RASSF4: variants seen among roughly 807,000 people sequenced by gnomAD.
RASSF4 encodes Ras association domain family member 4.
In RASSF4, 38 loss-of-function variants were observed where a neutral mutation model predicts 41.1. That is an observed-to-expected ratio of 0.92 (90% CI 0.71 to 1.21). The LOEUF is 1.21. Ranked by LOEUF, RASSF4 falls within the 50% of genes most tolerant of loss-of-function variation. The pLI is 0.00. For missense variants in RASSF4, 414 were observed against 419.4 expected (o/e 0.99, Z 0.11); for synonymous variants, 179 against 163.4 (o/e 1.10, Z -0.73).
intron 3 of RASSF4, chr10:44,981,779 G>A (rs1178927368): frequency 6.6e-6 from 1 of 152,326 alleles, no homozygotes; most frequent in Non-Finnish European, 1.5e-5. Context: ...GGCCCAAGGG[G>A]TGCCAACCAG....
chr10:44,970,657 T>C (rs1841113978), intron 2 of RASSF4: 3 of 167,650 alleles, frequency 1.8e-5, no homozygotes, highest in Non-Finnish European at 2.6e-5. Flanking sequence ...ATTCTTGTGT[T>C]GCTATAAAGA....
At chr10:44,992,553 C>T (rs898513198) in intron 10 of RASSF4, among the ~76,000 whole-genome samples, 1 of 152,228 alleles carries the variant, frequency 6.6e-6, no homozygotes, top group Non-Finnish European at 1.5e-5. Flanking sequence ...GGTCCGGATG[C>T]ATGAGTTAGC....
chr10:44,977,366 C>A (rs367762606), intron 3 of RASSF4: 2 of 1,543,508 alleles, frequency 1.3e-6, no homozygotes, highest in Non-Finnish European at 1.8e-6. Flanking sequence ...AGCATGCTCT[C>A]TACAGAAGCC....
chr10:44,977,213 G>GA (rs1191583197), intron 3 of RASSF4: 4 of 749,294 alleles, frequency 5.3e-6, no homozygotes, highest in Non-Finnish European at 8.4e-6. Flanking sequence ...CTCCTCATGT[G>GA]AAACAGGCTG....
At chr10:44,983,873 G>C in intron 4 of RASSF4, 149 bp from the exon 5 acceptor site, 1 of 1,378,078 alleles carries the variant, frequency 7.3e-7, no homozygotes, top group Non-Finnish European at 9.8e-7. Context: ...GTTTCAGACT[G>C]ACTCTCTTGG....
chr10:44,993,278 C>T lies in RASSF4; in HGVS notation c.915C>T (p.Ala305=), dbSNP rs116664152. The change falls in exon 11 of 11, where the codon GCC becomes GCT. Residue 305 remains alanine, a synonymous_variant. Transcript: ENST00000340258. ...EIIKLTMKFQ[A]LRLTMLQRLE... is the part of the protein sequence containing the mutation. Reference sequence around the variant, plus strand: ...CGATGTCTCCCTCCAGGTTCCAAGCCCTGCGTCTGACGATGCTGCAGCGCC... The same window carrying T: ...CGATGTCTCCCTCCAGGTTCCAAGCTCTGCGTCTGACGATGCTGCAGCGCC... 317 of 1,609,652 alleles carry T rather than the reference C, an allele frequency of 2.0e-4. 1 individual carries two copies. The African/African-American group carries it at 3.9e-3, about 20-fold the overall frequency.
At chr10:44,991,687 T>G (rs1168633550) in intron 9 of RASSF4, among the ~76,000 whole-genome samples, 1 of 152,164 alleles carries the variant, frequency 6.6e-6, no homozygotes, top group Non-Finnish European at 1.5e-5. Flanking sequence ...GTTTAATATT[T>G]CCTCCCAGGG....
intron 6 of RASSF4, among the ~76,000 whole-genome samples, chr10:44,987,824 A>T (rs1009050268): frequency 6.6e-6 from 1 of 152,180 alleles, no homozygotes; most frequent in African/African-American, 2.4e-5. Flanking sequence ...CACCCTTAAG[A>T]AACTACAGTA....
At position 44,989,216 on chromosome 10, in the gene RASSF4, A is replaced by G. The variant is rs80199784; in HGVS notation, c.532-58A>G. The G allele has an allele frequency of 3.7e-3, 3,999 of 1,080,110 alleles. 92 individuals carry two copies. In the African/African-American group the frequency reaches 0.049, roughly 13 times the overall value. 66.9% of individuals were successfully genotyped at this position (1,080,110 alleles called of 1,614,324 possible). ...CTGCCTTGGTCTGTTCACCGTTGTG[A>G]TGTCAGTCCCTTGTCCCCTCTGGGC... On this transcript the variant is annotated intron_variant, in intron 6 of 10. Coordinates refer to ENST00000340258, the MANE Select transcript of RASSF4 (RefSeq NM_032023.4).
At chr10:44,992,348 T>C (rs1842147388) in intron 10 of RASSF4, among the ~76,000 whole-genome samples, 1 of 152,260 alleles carries the variant, frequency 6.6e-6, no homozygotes, top group African/African-American at 2.4e-5. Flanking sequence ...GCTGGTGATG[T>C]GGCTCCAAGG....
intron 8 of RASSF4, among the ~76,000 whole-genome samples, chr10:44,990,161 C>CGTCT (rs1564468284): frequency 6.6e-6 from 1 of 152,174 alleles, no homozygotes; most frequent in East Asian, 1.9e-4. Context: ...CTGGCCCTCC[C>CGTCT]GTCTCAGCTT....
At chr10:44,984,750 C>G (rs1438242144) in intron 5 of RASSF4, 63 bp from the exon 6 acceptor site, 23 of 1,578,466 alleles carry the variant, frequency 1.5e-5, no homozygotes, top group Non-Finnish European at 2.0e-5. Context: ...GATCTCCCGA[C>G]AGCAGGCAGT....
At chr10:44,963,002 C>T (rs1380081063) in intron 1 of RASSF4, among the ~76,000 whole-genome samples, 3 of 152,160 alleles carry the variant, frequency 2.0e-5, no homozygotes, top group African/African-American at 7.2e-5. Flanking sequence ...GGACTGGACT[C>T]AGAGAGACCT....
intron 4 of RASSF4, 109 bp downstream of exon 4, chr10:44,982,772 G>A (rs912008303): frequency 1.7e-5 from 21 of 1,247,802 alleles, no homozygotes; most frequent in Non-Finnish European, 2.1e-5. Flanking sequence ...ACTGGCACAG[G>A]AGGGTGACCC....
intron 9 of RASSF4, among the ~76,000 whole-genome samples, 174 bp from the exon 10 acceptor site, chr10:44,991,731 C>T (rs917607722): frequency 6.6e-5 from 10 of 152,172 alleles, no homozygotes; most frequent in Non-Finnish European, 8.8e-5. Context: ...AATAGGCTCC[C>T]GTCCTGGCAT....
chr10:44,985,414 CA>C (rs1841888116), intron 6 of RASSF4, among the ~76,000 whole-genome samples: 1 of 152,248 alleles, frequency 6.6e-6, no homozygotes, highest in South Asian at 2.1e-4. Flanking sequence ...GCCTTTTGTC[CA>C]AGGATGCATT....
At position 44,971,787 on chromosome 10, in the gene RASSF4, G is replaced by A. The variant is rs573648443; in HGVS notation, c.77G>A (p.Gly26Asp). 2 of 1,613,958 alleles carry A rather than the reference G, an allele frequency of 1.2e-6. No individual in the cohort carries two copies. Among genetic ancestry groups the A allele is most frequent in the African/African-American group, 2.7e-5 (2 of 75,042 alleles). Residue 26 changes from glycine (G) to aspartate (D), a missense_variant, in exon 3 of 11, where the codon GGC (glycine) becomes GAC (aspartate). By Grantham distance (94) the Gly-to-Asp change is moderately conservative (BLOSUM62 -1). Coordinates refer to ENST00000340258, the MANE Select transcript of RASSF4 (RefSeq NM_032023.4). ...TCCCTTTTTAGGTCGGAGCTCTTAGGCCTGCTGAAAACCTACAACTGCTAC... is the reference window on the plus strand; with the variant it reads ...TCCCTTTTTAGGTCGGAGCTCTTAGACCTGCTGAAAACCTACAACTGCTAC... ...SKSIQKSELL[G>D]LLKTYNCYHE...
intron 6 of RASSF4, 38 bp downstream of exon 6, chr10:44,985,008 G>A: frequency 6.3e-7 from 1 of 1,592,018 alleles, no homozygotes; most frequent in African/African-American, 1.3e-5. Context: ...GGGCGCATGG[G>A]GAGCCAGGCC....
intron 3 of RASSF4, chr10:44,977,303 G>T: frequency 1.2e-5 from 17 of 1,473,094 alleles, no homozygotes; most frequent in Non-Finnish European, 1.5e-5. Context: ...CCCTTTCAGA[G>T]ACCTGCCAGG....
Sources: gnomAD v4.1 joint callset for allele counts (sites outside exome capture counted in the v4.1 genomes callset) on GRCh38, gnomAD v4.1.1 for gene constraint, MANE v1.5 for transcripts, NCBI Gene and HGNC (gene_info 2026-07-23, HGNC 2026-07-21) for gene names.